The following ZNF385B variants were observed in gnomAD, a reference collection of about 807,000 sequenced individuals.
ZNF385B encodes the protein zinc finger protein 385B.
A neutral mutation model predicts 39.2 loss-of-function variants in ZNF385B; 23 were observed. The observed-to-expected ratio is 0.59, with a 90% CI of 0.42 to 0.83. ZNF385B has a LOEUF of 0.83. ZNF385B is among the 40% of genes least tolerant of loss of function. The probability of loss-of-function intolerance (pLI) is 0.00; values close to 1 mark genes in which losing one functional copy is unlikely to be tolerated. For missense variants in ZNF385B, 552 were observed against 598.9 expected (o/e 0.92, Z 0.82); for synonymous variants, 205 against 222.6 (o/e 0.92, Z 0.70).
intron 1 of ZNF385B, among the ~76,000 whole-genome samples, chr2:179,818,856 A>G (rs1011888844): frequency 6.6e-6 from 1 of 152,128 alleles, no homozygotes; most frequent in African/African-American, 2.4e-5. Context: ...ATAAACCTGG[A>G]AAAACATCAA....
chr2:179,822,448 C>A (rs562534486), intron 1 of ZNF385B, among the ~76,000 whole-genome samples: 4 of 152,242 alleles, frequency 2.6e-5, no homozygotes, highest in South Asian at 4.1e-4. Flanking sequence ...AATATTATAT[C>A]TGATTCAACA....
At chr2:179,739,594 G>A (rs144404048) in intron 3 of ZNF385B, among the ~76,000 whole-genome samples, 13 of 152,220 alleles carry the variant, frequency 8.5e-5, no homozygotes, top group South Asian at 8.3e-4. Flanking sequence ...CAGCTTAGAC[G>A]GAGTTTAGCT....
intron 6 of ZNF385B, among the ~76,000 whole-genome samples, chr2:179,464,565 A>G (rs1172434413): frequency 6.6e-6 from 1 of 152,124 alleles, no homozygotes; most frequent in African/African-American, 2.4e-5. Context: ...TTTTCTGCAT[A>G]TGGCTAGCCA....
intron 1 of ZNF385B, among the ~76,000 whole-genome samples, chr2:179,783,644 C>T (rs1704807338): frequency 6.6e-6 from 1 of 151,868 alleles, no homozygotes; most frequent in Admixed American, 6.6e-5. Flanking sequence ...AAGAGAAAAA[C>T]AACTCCATTA....
chr2:179,614,608 T>A (rs1689578193), intron 3 of ZNF385B, among the ~76,000 whole-genome samples: 1 of 152,168 alleles, frequency 6.6e-6, no homozygotes, highest in Non-Finnish European at 1.5e-5. Context: ...AATAAAATGG[T>A]AGAGTTACAT....
intron 3 of ZNF385B, among the ~76,000 whole-genome samples, chr2:179,738,389 C>T (rs1021124107): frequency 8.5e-5 from 13 of 152,206 alleles, no homozygotes; most frequent in Admixed American, 3.9e-4. Flanking sequence ...AAACTCCAGG[C>T]ACGCTCCTGC....
chr2:179,684,602 G>T (rs1349331730), intron 3 of ZNF385B, among the ~76,000 whole-genome samples: 1 of 152,076 alleles, frequency 6.6e-6, no homozygotes, highest in Admixed American at 6.5e-5. Context: ...AATGAGGAAG[G>T]AAGAAAAAAA....
chr2:179,539,380 G>A (rs919775597), intron 4 of ZNF385B, among the ~76,000 whole-genome samples: 3 of 152,020 alleles, frequency 2.0e-5, no homozygotes, highest in African/African-American at 7.2e-5. Context: ...TCAAATTGGG[G>A]GTTATGACTT....
intron 6 of ZNF385B, among the ~76,000 whole-genome samples, chr2:179,457,364 CATAA>C (rs1383177778): frequency 6.6e-6 from 1 of 151,998 alleles, no homozygotes; most frequent in African/African-American, 2.4e-5. Context: ...TTTTGGTAGA[CATAA>C]ATACTCATTT....
intron 3 of ZNF385B, among the ~76,000 whole-genome samples, chr2:179,677,923 T>C (rs1376741862): frequency 2.0e-5 from 3 of 152,218 alleles, no homozygotes; most frequent in Non-Finnish European, 4.4e-5. Context: ...CCAATTTGCA[T>C]TGTGTAATAA....
At chr2:179,730,575 G>C (rs981140267) in intron 3 of ZNF385B, among the ~76,000 whole-genome samples, 4 of 152,164 alleles carry the variant, frequency 2.6e-5, no homozygotes, top group Non-Finnish European at 5.9e-5. Flanking sequence ...AATAGTAAAT[G>C]TATGAGAAAA....
intron 3 of ZNF385B, among the ~76,000 whole-genome samples, chr2:179,755,323 A>T (rs985326657): frequency 3.9e-5 from 6 of 152,328 alleles, no homozygotes; most frequent in Admixed American, 3.9e-4. Context: ...CTGTTCTTTT[A>T]CATTTGCTGA....
At chr2:179,633,270 A>G (rs950498579) in intron 3 of ZNF385B, among the ~76,000 whole-genome samples, 5 of 152,160 alleles carry the variant, frequency 3.3e-5, no homozygotes, top group African/African-American at 9.7e-5. Flanking sequence ...TTTTAGACCA[A>G]TCTCCCTGAT....
intron 3 of ZNF385B, among the ~76,000 whole-genome samples, chr2:179,742,803 C>A (rs201538618): frequency 6.6e-6 from 1 of 152,024 alleles, no homozygotes; most frequent in East Asian, 1.9e-4. Context: ...TGTTTCTCAA[C>A]TAAAACAGGT....
chr2:179,838,712 A>T (rs977887505), intron 1 of ZNF385B, among the ~76,000 whole-genome samples: 10 of 152,168 alleles, frequency 6.6e-5, no homozygotes, highest in Admixed American at 5.9e-4. Flanking sequence ...GCTAACAAGA[A>T]TACTGGAAGC....
chr2:179,627,432 C>T (rs988126767), intron 3 of ZNF385B, among the ~76,000 whole-genome samples: 3 of 152,126 alleles, frequency 2.0e-5, no homozygotes, highest in Admixed American at 6.5e-5. Flanking sequence ...AGGAATTATC[C>T]TCATTTTAAG....
intron 3 of ZNF385B, among the ~76,000 whole-genome samples, chr2:179,676,278 T>C (rs1212534563): frequency 1.3e-5 from 2 of 151,450 alleles, no homozygotes; most frequent in East Asian, 2.0e-4. Flanking sequence ...TTAGTAGAGA[T>C]GGGGTTTCAC....
intron 3 of ZNF385B, among the ~76,000 whole-genome samples, chr2:179,572,010 G>A (rs77486990): frequency 0.027 from 4,046 of 151,966 alleles, 78 homozygotes; most frequent in African/African-American, 0.051. Flanking sequence ...GGTGGAAAAC[G>A]CCTGTGGGGG....
In ZNF385B at chr2:179,562,626, G is replaced by A. The variant is rs141303818; in HGVS notation, c.299-17657C>T. The A allele has an allele frequency of 2.4e-3, 2,302 of 979,574 alleles. 3 individuals carry two copies. The highest frequency in any genetic ancestry group is 3.7e-3 in the Middle Eastern group (7 of 1,902). 60.7% of individuals were successfully genotyped at this position (979,574 alleles called of 1,614,324 possible). A position where few individuals can be genotyped will look rare whatever the true frequency, so the allele number is the denominator to read the frequency against. On this transcript the variant is annotated intron_variant, in intron 3 of 9. Transcript: ENST00000410066. ...GTTTGCAACTTGATTCCAGGGAGAG[G>A]GCAGAAAACCTTCTGATGACACAGA...
Sources: allele counts gnomAD v4.1 joint callset (sites outside exome capture counted in the v4.1 genomes callset), GRCh38; gene constraint gnomAD v4.1.1; transcripts MANE v1.5; gene names NCBI Gene and HGNC (gene_info 2026-07-23, HGNC 2026-07-21).